The following PTPRD variants were observed in gnomAD, a reference collection of about 807,000 sequenced individuals.
The protein encoded by PTPRD is receptor-type tyrosine-protein phosphatase delta.
A neutral mutation model predicts 214.5 loss-of-function variants in PTPRD; 34 were observed. That is an observed-to-expected ratio of 0.16 (90% CI 0.12 to 0.21). The LOEUF is 0.21. Among genes scored for constraint, PTPRD ranks in the 10% least tolerant of loss-of-function variants. The pLI, the probability that PTPRD is intolerant of heterozygous loss-of-function variation, is 1.00. For synonymous variants in PTPRD, 1,128 were observed against 845.7 expected, an observed-to-expected ratio of 1.33 and a Z score of -5.79; for missense variants, 2,545 against 2,398.7, an observed-to-expected ratio of 1.06 and a Z score of -1.27.
chr9:8,999,313 A>G (rs1234238994), intron 11 of PTPRD, among the ~76,000 whole-genome samples: 1 of 152,056 alleles, frequency 6.6e-6, no homozygotes. Context: ...AAACCGCAAC[A>G]GCCACCCCAA....
intron 9 of PTPRD, among the ~76,000 whole-genome samples, chr9:9,214,115 G>GTGTT (rs1040146813): frequency 1.3e-5 from 2 of 152,150 alleles, no homozygotes; most frequent in Non-Finnish European, 2.9e-5. Flanking sequence ...AACCAACAGA[G>GTGTT]TGTTGTCTGC....
chr9:9,722,848 T>C (rs1188928036), intron 7 of PTPRD, among the ~76,000 whole-genome samples: 1 of 152,112 alleles, frequency 6.6e-6, no homozygotes, highest in East Asian at 1.9e-4. Flanking sequence ...TCTATACCTT[T>C]GGAGAGATTT....
Position 8,525,042 on chromosome 9 carries a change from G to T in PTPRD, c.569-7C>A. On this transcript the variant is annotated splice_region_variant and splice_polypyrimidine_tract_variant and intron_variant, in intron 17 of 45. Coordinates refer to ENST00000381196, the MANE Select transcript of PTPRD (RefSeq NM_002839.4). ...TGCTCAATCTGAAGGGCTCCTGTAT[G>T]GATATAAAATATATTGCCAAAGAGA... 6.2e-7 allele frequency: 1 copy of T among 1,605,876 alleles called. No homozygotes were observed. Among genetic ancestry groups the T allele is most frequent in the Non-Finnish European group, 8.5e-7 (1 of 1,172,776 alleles).
intron 5 of PTPRD, among the ~76,000 whole-genome samples, chr9:9,926,043 C>G (rs543897211): frequency 2.0e-5 from 3 of 152,098 alleles, no homozygotes; most frequent in African/African-American, 7.2e-5. Context: ...GTTGCCCAGG[C>G]TGGTCTAGAC....
intron 2 of PTPRD, among the ~76,000 whole-genome samples, chr9:10,434,581 C>G (rs1054788879): frequency 6.6e-6 from 1 of 151,786 alleles, no homozygotes; most frequent in Non-Finnish European, 1.5e-5. Context: ...TCAGCAGTAT[C>G]CTACTATAAT....
At chr9:9,448,326 C>A (rs750523757) in intron 8 of PTPRD, among the ~76,000 whole-genome samples, 1 of 151,996 alleles carries the variant, frequency 6.6e-6, no homozygotes. Flanking sequence ...GTAATCCTCA[C>A]GTGTCGAGGG....
chr9:8,933,896 T>A (rs2098971275), intron 11 of PTPRD, among the ~76,000 whole-genome samples: 1 of 152,128 alleles, frequency 6.6e-6, no homozygotes, highest in Admixed American at 6.5e-5. Flanking sequence ...AATCTAGTAT[T>A]CCTTCTGGCA....
intron 11 of PTPRD, among the ~76,000 whole-genome samples, chr9:8,797,991 C>T (rs1305340172): frequency 6.6e-6 from 1 of 152,022 alleles, no homozygotes. Flanking sequence ...TGACCTCAAC[C>T]TTAACAGAAT....
At chr9:8,579,762 C>A (rs1007862654) in intron 14 of PTPRD, among the ~76,000 whole-genome samples, 1 of 152,004 alleles carries the variant, frequency 6.6e-6, no homozygotes, top group African/African-American at 2.4e-5. Flanking sequence ...TAAACAGAGA[C>A]CAGGAAATTA....
chr9:9,803,254 A>G (rs1355469860), intron 5 of PTPRD, among the ~76,000 whole-genome samples: 1 of 134,876 alleles, frequency 7.4e-6, no homozygotes, highest in South Asian at 2.3e-4. Flanking sequence ...GATAAAAAAG[A>G]AAAAAAAAAA....
chr9:8,355,943 G>A (rs1310954931), intron 39 of PTPRD, among the ~76,000 whole-genome samples: 2 of 152,042 alleles, frequency 1.3e-5, no homozygotes, highest in Admixed American at 6.6e-5. Flanking sequence ...AAGGTGCACA[G>A]AATACACTCA....
intron 2 of PTPRD, among the ~76,000 whole-genome samples, chr9:10,512,504 G>A (rs934379522): frequency 1.3e-5 from 2 of 152,138 alleles, no homozygotes; most frequent in Non-Finnish European, 1.5e-5. Flanking sequence ...GTATGCGGTG[G>A]TGGGTTGGGG....
intron 3 of PTPRD, among the ~76,000 whole-genome samples, chr9:10,264,891 C>T (rs1432061746): frequency 6.6e-6 from 1 of 152,188 alleles, no homozygotes; most frequent in South Asian, 2.1e-4. Context: ...GGGGCAGTTC[C>T]CCCATACTGT....
intron 7 of PTPRD, among the ~76,000 whole-genome samples, chr9:9,617,525 G>A (rs2094949504): frequency 1.3e-5 from 2 of 152,218 alleles, no homozygotes; most frequent in Non-Finnish European, 2.9e-5. Flanking sequence ...AAATGTGTGT[G>A]AGTCCTGATG....
intron 3 of PTPRD, among the ~76,000 whole-genome samples, chr9:10,239,973 C>T (rs1195820834): frequency 6.6e-6 from 1 of 151,796 alleles, no homozygotes; most frequent in Non-Finnish European, 1.5e-5. Context: ...CACGATTGGC[C>T]ATTAAGAGAT....
At chr9:10,226,477 G>C (rs1238276710) in intron 3 of PTPRD, among the ~76,000 whole-genome samples, 1 of 152,066 alleles carries the variant, frequency 6.6e-6, no homozygotes, top group African/African-American at 2.4e-5. Flanking sequence ...CCTAGATCCA[G>C]AGACAGAGAG....
intron 14 of PTPRD, among the ~76,000 whole-genome samples, chr9:8,618,171 C>T (rs1232195384): frequency 6.6e-6 from 1 of 152,026 alleles, no homozygotes; most frequent in Non-Finnish European, 1.5e-5. Flanking sequence ...GTAAAGCTTC[C>T]ACCAACTGCT....
intron 2 of PTPRD, among the ~76,000 whole-genome samples, chr9:10,412,599 C>A (rs2098447384): frequency 7.1e-6 from 1 of 141,044 alleles, no homozygotes; most frequent in South Asian, 2.3e-4. Context: ...CAAAACCTTG[C>A]AGATATACAC....
chr9:8,521,285 G>C lies in PTPRD; in HGVS notation c.953C>G (p.Thr318Ser), dbSNP rs1018094149. ...TAATCCATTGAGCATACCTTTGACA[G>C]TGATCTGTGCTATTGCTTCAATGAC... Reference protein sequence around the residue: ...LGVIEAIAQITVKALPKPPGT... With the variant: ...LGVIEAIAQISVKALPKPPGT... Residue 318 changes from threonine (T) to serine (S), a missense_variant, in exon 20 of 46, where the codon ACT (threonine) becomes AGT (serine). Physicochemically the swap from Thr to Ser is moderately conservative, Grantham distance 58 (BLOSUM62 1). Transcript: ENST00000381196. 1 of 1,612,390 alleles carries C rather than the reference G, an allele frequency of 6.2e-7. No homozygotes were observed. The highest frequency in any genetic ancestry group is 8.5e-7 in the Non-Finnish European group (1 of 1,178,944).
Sources: gnomAD v4.1 joint callset for allele counts (sites outside exome capture counted in the v4.1 genomes callset) on GRCh38, gnomAD v4.1.1 for gene constraint, MANE v1.5 for transcripts, NCBI Gene and HGNC (gene_info 2026-07-23, HGNC 2026-07-21) for gene names.